The following PON2 variants were observed in gnomAD, a reference collection of about 807,000 sequenced individuals.
PON2 encodes serum paraoxonase/arylesterase 2.
A neutral mutation model predicts 36.6 loss-of-function variants in PON2; 27 were observed. The observed-to-expected ratio is 0.74, with a 90% CI of 0.54 to 1.02. The LOEUF is 1.02. PON2 is among the 50% of genes least tolerant of loss of function. The pLI, the probability that PON2 is intolerant of heterozygous loss-of-function variation, is 0.00. For synonymous variants in PON2, 149 were observed against 156.3 expected (o/e 0.95, Z 0.35); for missense variants, 363 against 421.1 (o/e 0.86, Z 1.21).
At chr7:95,426,315 G>A (rs895464611) in intron 1 of PON2, among the ~76,000 whole-genome samples, 5 of 152,296 alleles carry the variant, frequency 3.3e-5, no homozygotes, top group Admixed American at 6.5e-5. Flanking sequence ...AATCTTAATT[G>A]TGATGATGAG....
rs977347098 is a variant in PON2, at chr7:95,423,429, G to A, written c.145+1086C>T. On this transcript the variant is annotated intron_variant, in intron 2 of 8. Coordinates refer to ENST00000222572, the MANE Select transcript of PON2 (RefSeq NM_000305.3). Reference sequence around the variant, plus strand: ...ATTATGTACTAGGGACATGTACTTAGTAGATGATAAAGGGTAAAAGACAGC... The same window carrying A: ...ATTATGTACTAGGGACATGTACTTAATAGATGATAAAGGGTAAAAGACAGC... Among the ~76,000 whole-genome samples the A allele has an allele frequency of 1.2e-4, 19 of 152,040 alleles. No individual in the cohort carries two copies. The East Asian group carries it at 2.5e-3, about 20-fold the overall frequency.
Position 95,416,223 on chromosome 7 carries a change from GA to G in PON2, c.201+18del, listed in dbSNP as rs767824044. On this transcript the variant is annotated intron_variant, in intron 3 of 8. Transcript: ENST00000222572. ...TTGTATCTCCTCTGCTGAATTTGGG[GA>G]AGGAAGAAGACACTCACCACACTAA... 16 of 1,610,602 alleles carry G rather than the reference GA, an allele frequency of 9.9e-6. No homozygotes were observed. Among genetic ancestry groups the G allele is most frequent in the Non-Finnish European group, 9.3e-6 (11 of 1,176,922 alleles).
intron 3 of PON2, chr7:95,415,362 T>C (rs758194498): frequency 6.6e-6 from 1 of 152,174 alleles, no homozygotes; most frequent in Admixed American, 6.5e-5. Context: ...TTAAAGTCTT[T>C]CTATTGTATA....
chr7:95,434,145 G>C (rs1449070438), intron 1 of PON2: 4 of 152,226 alleles, frequency 2.6e-5, no homozygotes, highest in African/African-American at 9.7e-5. Context: ...TTGCTTGAGT[G>C]CAAGAGTTAG....
chr7:95,420,838 ATT>A (rs1382577411), intron 2 of PON2, among the ~76,000 whole-genome samples: 1 of 152,236 alleles, frequency 6.6e-6, no homozygotes, highest in East Asian at 1.9e-4. Context: ...TGTCCAGCAC[ATT>A]GTTATTTCTT....
chr7:95,420,941 G>A (rs532097677), intron 2 of PON2, among the ~76,000 whole-genome samples: 10 of 151,884 alleles, frequency 6.6e-5, no homozygotes, highest in South Asian at 2.1e-4. Flanking sequence ...CATAGCATTC[G>A]ACAAACGTTC....
intron 1 of PON2, among the ~76,000 whole-genome samples, chr7:95,432,407 TCAAAATAAAAAA>T (rs1397860847): frequency 6.6e-6 from 1 of 152,054 alleles, no homozygotes; most frequent in Non-Finnish European, 1.5e-5. Flanking sequence ...AGACCTTGTG[TCAAAATAAAAAA>T]CAAAGAAAAA....
Position 95,429,035 on chromosome 7 carries a change from CTTT to C in PON2, c.75-4453_75-4451del, listed in dbSNP as rs879481006. Among the ~76,000 whole-genome samples, 5 of 144,016 alleles carry C rather than the reference CTTT, an allele frequency of 3.5e-5. No individual in the cohort carries two copies. In the East Asian group the frequency reaches 1.0e-3, roughly 29 times the overall value. The allele number at this position is 144,016 out of a possible 152,430, so 94.5% of individuals were successfully genotyped here. ...AGGCTACCTGTCCACAAAGCATGAA[CTTT>C]TTTTTTTTTTTATACTTTAAGTTCT... On this transcript the variant is annotated intron_variant, in intron 1 of 8. Coordinates refer to ENST00000222572, the MANE Select transcript of PON2 (RefSeq NM_000305.3).
At chr7:95,431,622 G>A (rs767095872) in intron 1 of PON2, among the ~76,000 whole-genome samples, 1 of 151,886 alleles carries the variant, frequency 6.6e-6, no homozygotes, top group African/African-American at 2.4e-5. Context: ...GTTTCACCAT[G>A]TTGGCCAGGC....
rs1789447958 is a variant in PON2 at position 95,431,785 on chromosome 7, A to G, written c.74+3093T>C. Among the ~76,000 whole-genome samples, 3 of 152,114 alleles carry G rather than the reference A, an allele frequency of 2.0e-5. No homozygotes were observed. In the South Asian group the frequency reaches 6.2e-4, roughly 32 times the overall value. On this transcript the variant is annotated intron_variant, in intron 1 of 8. Coordinates refer to ENST00000222572, the MANE Select transcript of PON2 (RefSeq NM_000305.3). Reference sequence around the variant, plus strand: ...ATTCTGACAGAAGGCACTCGAACATATGATAAAATACAGGGTACCCAGTGA... The same window carrying G: ...ATTCTGACAGAAGGCACTCGAACATGTGATAAAATACAGGGTACCCAGTGA...
intron 1 of PON2, among the ~76,000 whole-genome samples, chr7:95,433,251 T>C (rs923962162): frequency 3.3e-5 from 5 of 151,732 alleles, no homozygotes; most frequent in African/African-American, 1.2e-4. Flanking sequence ...TTTTGTTTTT[T>C]ATTTATTTAT....
chr7:95,418,076 C>A (rs2116480850), intron 2 of PON2: 1 of 152,230 alleles, frequency 6.6e-6, no homozygotes, highest in Middle Eastern at 3.4e-3. Flanking sequence ...TATCTGTAGC[C>A]TTCTTTGGAA....
intron 5 of PON2, among the ~76,000 whole-genome samples, chr7:95,410,693 T>C (rs1413110547): frequency 2.6e-5 from 4 of 152,214 alleles, no homozygotes; most frequent in South Asian, 2.1e-4. Context: ...GAGAGATTTA[T>C]ATGCTAAAAA....
chr7:95,432,672 A>C (rs1360442002), intron 1 of PON2, among the ~76,000 whole-genome samples: 1 of 152,216 alleles, frequency 6.6e-6, no homozygotes, highest in Non-Finnish European at 1.5e-5. Context: ...AATGGAGAGC[A>C]GGACAGATCA....
chr7:95,433,992 A>G (rs1172187278), intron 1 of PON2, among the ~76,000 whole-genome samples: 1 of 152,230 alleles, frequency 6.6e-6, no homozygotes, highest in Non-Finnish European at 1.5e-5. Flanking sequence ...CTACTATAGA[A>G]GCCTAAGAGA....
At chr7:95,423,259 C>T (rs866557337) in intron 2 of PON2, among the ~76,000 whole-genome samples, 12 of 145,782 alleles carry the variant, frequency 8.2e-5, no homozygotes, top group Middle Eastern at 3.6e-3. Context: ...GATATCAGGG[C>T]TGCAGTGAGC....
chr7:95,423,719 C>T (rs924578990), intron 2 of PON2, among the ~76,000 whole-genome samples: 2 of 152,082 alleles, frequency 1.3e-5, no homozygotes, highest in Non-Finnish European at 2.9e-5. Context: ...TACATCAGTC[C>T]GTTCTCAGGC....
intron 6 of PON2, among the ~76,000 whole-genome samples, chr7:95,407,972 C>T (rs187628119): frequency 6.6e-6 from 1 of 152,252 alleles, no homozygotes; most frequent in African/African-American, 2.4e-5. Context: ...ATGTTTAAAA[C>T]AATGAGTTCT....
chr7:95,422,377 GA>G (rs1194490666), intron 2 of PON2, among the ~76,000 whole-genome samples: 2 of 152,186 alleles, frequency 1.3e-5, no homozygotes, highest in Non-Finnish European at 2.9e-5. Flanking sequence ...TGGGGGTGAT[GA>G]AGAGTTTGAT....
Sources: gnomAD v4.1 joint callset for allele counts (sites outside exome capture counted in the v4.1 genomes callset) on GRCh38, gnomAD v4.1.1 for gene constraint, MANE v1.5 for transcripts, NCBI Gene and HGNC (gene_info 2026-07-23, HGNC 2026-07-21) for gene names.